LINGO2: variants seen among roughly 807,000 people sequenced by gnomAD.
LINGO2 encodes leucine-rich repeat and immunoglobulin-like domain-containing nogo receptor-interacting protein 2.
Under a neutral mutation model 30.6 loss-of-function variants are expected in LINGO2, and 14 were observed. The observed-to-expected ratio is 0.46, with a 90% CI of 0.30 to 0.72. The LOEUF is 0.72. Ranked by LOEUF, LINGO2 falls within the 30% of genes least tolerant of loss-of-function variation. LINGO2 has a pLI of 0.07. For missense variants in LINGO2, 729 were observed against 751.7 expected, an observed-to-expected ratio of 0.97 and a Z score of 0.35; for synonymous variants, 317 against 288.5, an observed-to-expected ratio of 1.10 and a Z score of -1.00.
chr9:29,060,854 A>C, the LINGO2 span, among the ~76,000 whole-genome samples: 211 of 152,098 alleles, frequency 1.4e-3, 1 homozygote, highest in Non-Finnish European at 2.1e-3. Context: ...GAACAGAGAG[A>C]AAAATGATAG....
intron 2 of LINGO2, among the ~76,000 whole-genome samples, chr9:28,413,422 CAT>C (rs1053297156): frequency 6.6e-5 from 10 of 152,096 alleles, no homozygotes; most frequent in East Asian, 1.9e-4. Context: ...AACACACACA[CAT>C]GTAACCACAT....
chr9:29,036,977 T>C, the LINGO2 span, among the ~76,000 whole-genome samples: 3 of 151,976 alleles, frequency 2.0e-5, no homozygotes, highest in Non-Finnish European at 2.9e-5. Flanking sequence ...TAATAATTTA[T>C]GTTAGGATGA....
At chr9:28,888,358 A>G in the LINGO2 span, among the ~76,000 whole-genome samples, 2 of 152,258 alleles carry the variant, frequency 1.3e-5, no homozygotes, top group South Asian at 4.1e-4. Context: ...CCATTGAACA[A>G]TCCTGAAATA....
At chr9:28,894,133 T>G in the LINGO2 span, among the ~76,000 whole-genome samples, 1 of 152,180 alleles carries the variant, frequency 6.6e-6, no homozygotes, top group African/African-American at 2.4e-5. Flanking sequence ...TGCCACATTT[T>G]CTTAATCCAG....
chr9:28,577,805 G>A (rs1385917759), intron 1 of LINGO2, among the ~76,000 whole-genome samples: 1 of 152,170 alleles, frequency 6.6e-6, no homozygotes, highest in Non-Finnish European at 1.5e-5. Flanking sequence ...AAGGCAATAT[G>A]GAGCCAATGA....
At chr9:28,281,436 C>T (rs1273852834) in intron 4 of LINGO2, among the ~76,000 whole-genome samples, 1 of 150,706 alleles carries the variant, frequency 6.6e-6, no homozygotes, top group Non-Finnish European at 1.5e-5. Flanking sequence ...AATTCATATG[C>T]ATATTCATTA....
At chr9:28,520,558 T>C (rs1287107546) in intron 1 of LINGO2, among the ~76,000 whole-genome samples, 1 of 152,178 alleles carries the variant, frequency 6.6e-6, no homozygotes, top group Non-Finnish European at 1.5e-5. Flanking sequence ...ATACGTTACT[T>C]GTCTGTATCA....
At chr9:28,337,043 A>G (rs978105001) in intron 3 of LINGO2, among the ~76,000 whole-genome samples, 12 of 149,508 alleles carry the variant, frequency 8.0e-5, no homozygotes, top group African/African-American at 2.9e-4. Context: ...AATTTTAATT[A>G]TAAATGAACA....
chr9:29,048,651 A>G, the LINGO2 span, among the ~76,000 whole-genome samples: 4,143 of 152,162 alleles, frequency 0.027, 200 homozygotes, highest in African/African-American at 0.095. Context: ...GAGACTCCAA[A>G]AACAAATCCA....
intron 2 of LINGO2, among the ~76,000 whole-genome samples, chr9:28,397,877 T>G (rs1350866144): frequency 2.0e-5 from 3 of 152,142 alleles, no homozygotes; most frequent in Admixed American, 6.5e-5. Flanking sequence ...TCCTCCCATC[T>G]AACTGCAAAT....
chr9:28,112,176 T>C (rs1826820693), intron 4 of LINGO2, among the ~76,000 whole-genome samples: 1 of 47,276 alleles, frequency 2.1e-5, no homozygotes, highest in African/African-American at 8.0e-5. Context: ...TTTTTGTTCT[T>C]GCGACAGTTT....
intron 1 of LINGO2, among the ~76,000 whole-genome samples, chr9:28,554,020 A>G (rs543298315): frequency 1.3e-5 from 2 of 152,120 alleles, no homozygotes; most frequent in Non-Finnish European, 2.9e-5. Context: ...GAAAGGAACA[A>G]CTGGTACCAG....
chr9:28,756,746 T>A, the LINGO2 span, among the ~76,000 whole-genome samples: 1 of 151,898 alleles, frequency 6.6e-6, no homozygotes, highest in African/African-American at 2.4e-5. Flanking sequence ...CAGTTCCCCC[T>A]TCATGTGCTC....
chr9:28,772,750 G>GA, the LINGO2 span, among the ~76,000 whole-genome samples: 1 of 152,044 alleles, frequency 6.6e-6, no homozygotes, highest in Non-Finnish European at 1.5e-5. Flanking sequence ...GATACTTGAA[G>GA]AAAAAAAGTT....
At chr9:29,039,014 T>G in the LINGO2 span, among the ~76,000 whole-genome samples, 3 of 152,292 alleles carry the variant, frequency 2.0e-5, 1 homozygote. Context: ...AAATAATCAT[T>G]AGTTACTGCT....
rs368117593 is a variant in LINGO2, at chr9:28,538,683, T to A, written c.-364-62658A>T. 2.3e-3 allele frequency among the ~76,000 whole-genome samples: 355 copies of A among 152,270 alleles called. 2 individuals are homozygous for A. Among genetic ancestry groups the A allele is most frequent in the Non-Finnish European group, 4.5e-3 (308 of 68,024 alleles). ...AGGGCCTTCTTGCTGTGGCCTCACA[T>A]GGCAGAATTTGGAAGGTGCAAGAAA... is the stretch of plus-strand genomic sequence containing the variant. On this transcript the variant is annotated intron_variant, in intron 1 of 5. Coordinates refer to ENST00000379992, the Ensembl canonical transcript of LINGO2.
chr9:28,013,073 A>G (rs1001512933), intron 4 of LINGO2, among the ~76,000 whole-genome samples: 5 of 152,182 alleles, frequency 3.3e-5, no homozygotes, highest in African/African-American at 1.2e-4. Flanking sequence ...TGCTTTACAC[A>G]TTTTAAACCT....
chr9:28,914,184 A>G, the LINGO2 span, among the ~76,000 whole-genome samples: 9 of 152,180 alleles, frequency 5.9e-5, no homozygotes, highest in Non-Finnish European at 7.4e-5. Flanking sequence ...GATTTTTATG[A>G]TCTAAATACA....
At chr9:29,195,523 T>C in the LINGO2 span, among the ~76,000 whole-genome samples, 2 of 152,098 alleles carry the variant, frequency 1.3e-5, no homozygotes, top group African/African-American at 2.4e-5. Context: ...GAAACTTTCA[T>C]ACTGTTTTCA....
Sources: allele counts gnomAD v4.1 joint callset (sites outside exome capture counted in the v4.1 genomes callset), GRCh38; gene constraint gnomAD v4.1.1; transcripts MANE v1.5; gene names NCBI Gene and HGNC (gene_info 2026-07-23, HGNC 2026-07-21).